The following SPHKAP variants were observed in gnomAD, a reference collection of about 807,000 sequenced individuals.
SPHKAP encodes the protein SPHK1 interactor, AKAP domain containing.
A neutral mutation model predicts 137.5 loss-of-function variants in SPHKAP; 67 were observed. That is an observed-to-expected ratio of 0.49 (90% CI 0.40 to 0.60). The LOEUF is 0.60. SPHKAP is among the 20% of genes least tolerant of loss of function. The pLI is 0.00. For missense variants in SPHKAP, 2,097 were observed against 2,069.3 expected, an observed-to-expected ratio of 1.01 and a Z score of -0.26; for synonymous variants, 813 against 785.3, an observed-to-expected ratio of 1.04 and a Z score of -0.59.
At chr2:228,134,215 A>AG (rs1699361535) in intron 1 of SPHKAP, among the ~76,000 whole-genome samples, 3 of 134,840 alleles carry the variant, frequency 2.2e-5, no homozygotes, top group Admixed American at 7.3e-5. Context: ...CGAGGAAGGA[A>AG]GGAAGGGAAG....
At chr2:228,080,305 T>A (rs1697321317) in intron 3 of SPHKAP, among the ~76,000 whole-genome samples, 1 of 152,124 alleles carries the variant, frequency 6.6e-6, no homozygotes, top group Non-Finnish European at 1.5e-5. Flanking sequence ...AATTTAAAAA[T>A]TGACAAATAA....
intron 1 of SPHKAP, among the ~76,000 whole-genome samples, chr2:228,153,567 G>A (rs1172151543): frequency 6.6e-6 from 1 of 152,136 alleles, no homozygotes; most frequent in African/African-American, 2.4e-5. Context: ...TGTTGCTTTT[G>A]TGAAGTCAAG....
chr2:228,034,146 GAAGAA>G (rs758409655), intron 3 of SPHKAP, among the ~76,000 whole-genome samples: 4 of 151,902 alleles, frequency 2.6e-5, no homozygotes, highest in Non-Finnish European at 5.9e-5. Context: ...GACTAATAAA[GAAGAA>G]AAGAGAGAAG....
intron 1 of SPHKAP, among the ~76,000 whole-genome samples, chr2:228,168,766 G>A (rs1299790457): frequency 1.3e-5 from 2 of 152,102 alleles, no homozygotes; most frequent in Admixed American, 1.3e-4. Context: ...CTAAAACTGG[G>A]TATGATGAAG....
In SPHKAP at chr2:228,018,811, A is replaced by G; in HGVS notation, c.2043T>C (p.Asp681=). Residue 681 remains aspartate (D), a synonymous_variant, in exon 7 of 12, where the codon GAT becomes GAC. Coordinates refer to ENST00000392056, the MANE Select transcript of SPHKAP (RefSeq NM_001142644.2). ...LSNVILRHSI[D]EVHHKNMIID... ...TTATCATATTTTTGTGGTGAACTTC[A>G]TCAATGGAATGCCTCAGGATAACAT... 1 of 1,614,204 alleles carries G rather than the reference A, an allele frequency of 6.2e-7. No homozygotes were observed. Among genetic ancestry groups the G allele is most frequent in the South Asian group, 1.1e-5 (1 of 91,082 alleles).
chr2:228,002,418 T>C (rs546889724), intron 7 of SPHKAP, among the ~76,000 whole-genome samples: 1 of 151,086 alleles, frequency 6.6e-6, no homozygotes, highest in East Asian at 1.9e-4. Flanking sequence ...GATGAGGTTG[T>C]TTTTTTTCCT....
At chr2:228,134,975 G>A (rs6436755) in intron 1 of SPHKAP, among the ~76,000 whole-genome samples, 61,545 of 151,946 alleles carry the variant, frequency 0.41, 12,878 homozygotes, top group East Asian at 0.51. Context: ...ATGAAACGTC[G>A]TAGAAAGACC....
chr2:227,987,047 T>A (rs1003673965), intron 11 of SPHKAP, among the ~76,000 whole-genome samples: 4 of 152,246 alleles, frequency 2.6e-5, no homozygotes, highest in Non-Finnish European at 5.9e-5. Context: ...TAGGATACTT[T>A]AAGGCCACCT....
At chr2:228,052,342 G>C (rs1696286543) in intron 3 of SPHKAP, among the ~76,000 whole-genome samples, 1 of 152,092 alleles carries the variant, frequency 6.6e-6, no homozygotes, top group African/African-American at 2.4e-5. Context: ...GATCTGAAAA[G>C]TTTTGCTTAA....
chr2:228,055,509 G>A (rs368231714), intron 3 of SPHKAP, among the ~76,000 whole-genome samples: 1 of 152,294 alleles, frequency 6.6e-6, no homozygotes, highest in East Asian at 1.9e-4. Flanking sequence ...GTGTCTGGTG[G>A]GGGAGACTCC....
At position 227,993,598 on chromosome 2, in the gene SPHKAP, T is replaced by C; in HGVS notation, c.4657A>G (p.Ser1553Gly). The change falls in exon 9 of 12, where the codon AGC becomes GGC. Residue 1553 changes from serine to glycine, a missense_variant. By Grantham distance (56) the Ser-to-Gly change is moderately conservative. Coordinates refer to ENST00000392056, the MANE Select transcript of SPHKAP (RefSeq NM_001142644.2). ...TCCAGATCCATAATGCCAAGACTGCTAGTGGCACTACTGTTGCCATTGCTG... is the reference window on the plus strand; with the variant it reads ...TCCAGATCCATAATGCCAAGACTGCCAGTGGCACTACTGTTGCCATTGCTG... ...SMSNGNSSAT[S>G]SLGIMDLDIY... The C allele has an allele frequency of 6.3e-7, 1 of 1,599,632 alleles. No individual in the cohort carries two copies.
chr2:228,014,519 C>CT (rs747251630), intron 7 of SPHKAP, among the ~76,000 whole-genome samples: 13 of 152,244 alleles, frequency 8.5e-5, no homozygotes, highest in Admixed American at 2.0e-4. Context: ...TGTTCTTTTG[C>CT]TTTTACGTTT....
intron 1 of SPHKAP, among the ~76,000 whole-genome samples, chr2:228,171,983 T>A (rs1294999136): frequency 1.3e-5 from 2 of 152,132 alleles, no homozygotes; most frequent in Admixed American, 6.6e-5. Context: ...GGAGTCAAAA[T>A]AACCTTTGAA....
At chr2:227,993,270 G>C (rs988570776) in intron 9 of SPHKAP, among the ~76,000 whole-genome samples, 2 of 152,114 alleles carry the variant, frequency 1.3e-5, no homozygotes, top group East Asian at 3.8e-4. Flanking sequence ...TTTCTAGGTA[G>C]GTAAAATGAC....
At chr2:228,011,711 T>A (rs888901552) in intron 7 of SPHKAP, among the ~76,000 whole-genome samples, 2 of 152,202 alleles carry the variant, frequency 1.3e-5, no homozygotes, top group Non-Finnish European at 2.9e-5. Context: ...TCAATTTTTT[T>A]AATTGACAGT....
intron 2 of SPHKAP, among the ~76,000 whole-genome samples, chr2:228,125,782 A>G (rs4312487): frequency 0.34 from 51,993 of 152,008 alleles, 9,171 homozygotes; most frequent in East Asian, 0.5. Flanking sequence ...TTTCTTATAA[A>G]AAGGAGTGGT....
At chr2:228,046,794 T>G (rs545949132) in intron 3 of SPHKAP, among the ~76,000 whole-genome samples, 30 of 152,176 alleles carry the variant, frequency 2.0e-4, no homozygotes, top group Admixed American at 1.3e-4. Context: ...GTGAACCCTC[T>G]ATTCAGGGCC....
chr2:228,141,006 A>C (rs927735217), intron 1 of SPHKAP, among the ~76,000 whole-genome samples: 10 of 152,212 alleles, frequency 6.6e-5, no homozygotes, highest in Admixed American at 3.3e-4. Context: ...GCAAAAAAAC[A>C]GCCTAATAAG....
At chr2:227,993,504 C>A (rs755910812) in intron 9 of SPHKAP, 30 bp downstream of exon 9, 1 of 1,560,710 alleles carries the variant, frequency 6.4e-7, no homozygotes, top group Non-Finnish European at 8.7e-7. Flanking sequence ...GTAGTGGTCT[C>A]ACAATCACTG....
Sources: gnomAD v4.1 joint callset for allele counts (sites outside exome capture counted in the v4.1 genomes callset) on GRCh38, gnomAD v4.1.1 for gene constraint, MANE v1.5 for transcripts, NCBI Gene and HGNC (gene_info 2026-07-23, HGNC 2026-07-21) for gene names.